The following ING1 variants were observed in gnomAD, a reference collection of about 807,000 sequenced individuals.
The protein encoded by ING1 is inhibitor of growth family member 1, also known as inhibitor of growth protein 1.
ING1 carries 4 observed loss-of-function variants against 23.1 expected under a neutral mutation model. That is an observed-to-expected ratio of 0.17 (90% CI 0.09 to 0.40). The LOEUF is 0.40. Among genes scored for constraint, ING1 ranks in the 10% least tolerant of loss-of-function variants. The pLI, the probability that ING1 is intolerant of heterozygous loss-of-function variation, is 1.00. For synonymous variants in ING1, 179 were observed against 166.4 expected (o/e 1.08, Z -0.58); for missense variants, 256 against 393.8 (o/e 0.65, Z 2.96).
In ING1 at chr13:110,713,928, G is replaced by C. The variant is rs1393092906; in HGVS notation, c.-222G>C. The C allele has an allele frequency of 1.0e-6, 1 of 990,948 alleles. No individual in the cohort carries two copies. The highest frequency in any genetic ancestry group is 1.2e-6 in the Non-Finnish European group (1 of 834,636). The allele number at this position is 990,948 out of a possible 1,614,324, so 61.4% of individuals were successfully genotyped here. A position where few individuals can be genotyped will look rare whatever the true frequency, so the allele number is the denominator to read the frequency against. ...CGCCGGCCGGGGCGTGCGCCCGGGA[G>C]CCACCGCCACCGCGGCCCGCGCCCT... On this transcript the variant is annotated 5_prime_UTR_variant, in exon 1 of 2. Transcript: ENST00000333219.
At position 110,720,160 on chromosome 13, in the gene ING1, T is replaced by C. The variant is rs183453406; in HGVS notation, c.*228T>C. Reference sequence around the variant, plus strand: ...ATCAGCATTTTAGAAACTACAAATATAGGTTTGATTCAACACTTAAGTCTC... The same window carrying C: ...ATCAGCATTTTAGAAACTACAAATACAGGTTTGATTCAACACTTAAGTCTC... On this transcript the variant is annotated 3_prime_UTR_variant, in exon 2 of 2. Coordinates refer to ENST00000333219, the MANE Select transcript of ING1 (RefSeq NM_198219.3). 5.0e-4 allele frequency: 190 copies of C among 381,864 alleles called. No homozygotes were observed. Among genetic ancestry groups the C allele is most frequent in the Middle Eastern group, 4.2e-3 (6 of 1,428 alleles). The allele number at this position is 381,864 out of a possible 1,614,324, so 23.7% of individuals were successfully genotyped here. A position where few individuals can be genotyped will look rare whatever the true frequency, so the allele number is the denominator to read the frequency against.
In ING1 at chr13:110,720,057, T is replaced by C; in HGVS notation, c.*125T>C. 5.6e-6 allele frequency: 4 copies of C among 711,032 alleles called. No individual in the cohort carries two copies. Among genetic ancestry groups the C allele is most frequent in the Non-Finnish European group, 6.7e-6 (3 of 445,820 alleles). The allele number at this position is 711,032 out of a possible 1,614,324, so 44.0% of individuals were successfully genotyped here. On this transcript the variant is annotated 3_prime_UTR_variant, in exon 2 of 2. Transcript: ENST00000333219. ...TAAAGAATGTTAGTAAAGGAACCAT[T>C]CCTTTCATAGGGATGGCAGTGATTC...
chr13:110,714,372 G>A, intron 1 of ING1, 87 bp downstream of exon 1: 1 of 1,244,790 alleles, frequency 8.0e-7, no homozygotes, highest in Non-Finnish European at 1.0e-6. Flanking sequence ...GTCCTGCCGT[G>A]GACCGGAGGA....
rs762343858 is a variant in ING1 at position 110,714,185 on chromosome 13, G to C, written c.36G>C (p.Leu12=). The C allele has an allele frequency of 6.4e-7, 1 of 1,560,784 alleles. No homozygotes were observed. The highest frequency in any genetic ancestry group is 1.9e-5 in the Admixed American group (1 of 53,016). ...CTGCCAACGGGGAGCAGCTCCACCT[G>C]GTGAACTATGTGGAGGACTACCTGG... The part of the protein sequence containing the change: ...LSPANGEQLH[L]VNYVEDYLDS... The change falls in exon 1 of 2, where the codon CTG becomes CTC. Residue 12 remains leucine, a synonymous_variant. Coordinates refer to ENST00000333219, the MANE Select transcript of ING1 (RefSeq NM_198219.3).
In ING1 at chr13:110,714,297, T is replaced by C; in HGVS notation, c.136+12T>C. The stretch of plus-strand genomic sequence containing the variant: ...CGCGAAATACCAAGGTACGGCCGGG[T>C]GATGGATGGGCGGGGGCGGCCGCCT... On this transcript the variant is annotated intron_variant, in intron 1 of 1. Transcript: ENST00000333219. 1.9e-6 allele frequency: 3 copies of C among 1,542,772 alleles called. No individual in the cohort carries two copies. The highest frequency in any genetic ancestry group is 2.6e-6 in the Non-Finnish European group (3 of 1,145,758).
chr13:110,718,993 C>T (rs1263491441), intron 1 of ING1, among the ~76,000 whole-genome samples: 1 of 151,492 alleles, frequency 6.6e-6, no homozygotes, highest in Non-Finnish European at 1.5e-5. Context: ...GGAGCGGCTC[C>T]TGCCGCTGTG....
At chr13:110,715,674 TTC>T in intron 1 of ING1, 1 of 1,607,278 alleles carries the variant, frequency 6.2e-7, no homozygotes, top group Non-Finnish European at 8.5e-7. Context: ...GGCCGTGCTC[TTC>T]CGCCCTGCGG....
In ING1 at chr13:110,715,673, C is replaced by T. The variant is rs1462480935; in HGVS notation, c.136+1388C>T. 6 of 1,607,400 alleles carry T rather than the reference C, an allele frequency of 3.7e-6. No individual in the cohort carries two copies. Among genetic ancestry groups the T allele is most frequent in the Middle Eastern group, 3.3e-4 (2 of 6,050 alleles). On this transcript the variant is annotated intron_variant, in intron 1 of 1. Coordinates refer to ENST00000333219, the MANE Select transcript of ING1 (RefSeq NM_198219.3). Reference sequence around the variant, plus strand: ...TCTCGCTGCTGGGGCGGGCCGTGCTCTTCCGCCCTGCGGTGTGGTTGGTTC... The same window carrying T: ...TCTCGCTGCTGGGGCGGGCCGTGCTTTTCCGCCCTGCGGTGTGGTTGGTTC...
intron 1 of ING1, chr13:110,715,113 A>T (rs914434376): frequency 3.7e-6 from 4 of 1,077,030 alleles, no homozygotes; most frequent in Non-Finnish European, 4.5e-6. Context: ...CCCGGGTGTC[A>T]GAGAGAGGTG....
chr13:110,715,263 C>A, intron 1 of ING1: 5 of 1,376,084 alleles, frequency 3.6e-6, no homozygotes, highest in Non-Finnish European at 4.7e-6. Context: ...AGTAGGGAAA[C>A]GGAAGAGTTG....
upstream of ING1, chr13:110,712,997 T>C (rs1411291189): frequency 9.7e-6 from 15 of 1,546,016 alleles, no homozygotes; most frequent in Admixed American, 1.9e-5. Flanking sequence ...CCGCGCACTC[T>C]GCGGCCGCAG....
upstream of ING1, chr13:110,713,291 G>C (rs2064059504): frequency 7.8e-7 from 1 of 1,279,576 alleles, no homozygotes; most frequent in Non-Finnish European, 9.9e-7. Flanking sequence ...AGTTGCGGTA[G>C]TTGCTGTGTA....
In ING1 at chr13:110,714,139, C is replaced by A; in HGVS notation, c.-11C>A. ...GCCGCGCCGAGTCGCCGGGGACCTC[C>A]GGGGTGAACCATGTTGAGTCCTGCC... is the stretch of plus-strand genomic sequence containing the variant. On this transcript the variant is annotated 5_prime_UTR_variant, in exon 1 of 2. Transcript: ENST00000333219. The A allele has an allele frequency of 6.6e-7, 1 of 1,523,992 alleles. No individual in the cohort carries two copies. Among genetic ancestry groups the A allele is most frequent in the Non-Finnish European group, 8.8e-7 (1 of 1,135,204 alleles). 94.4% of individuals were successfully genotyped at this position (1,523,992 alleles called of 1,614,324 possible). A position where few individuals can be genotyped will look rare whatever the true frequency, so the allele number is the denominator to read the frequency against.
chr13:110,715,848 C>A (rs1031961929), intron 1 of ING1: 2 of 1,593,564 alleles, frequency 1.3e-6, no homozygotes, highest in African/African-American at 1.3e-5. Flanking sequence ...CGGCCACTTT[C>A]GGGCGCGGAT....
chr13:110,716,043 C>G (rs765021399), intron 1 of ING1: 48 of 1,476,518 alleles, frequency 3.3e-5, no homozygotes, highest in Non-Finnish European at 5.3e-6. Flanking sequence ...GAGGGGGACC[C>G]TCGGCGCAGA....
At chr13:110,713,364 A>G, upstream of ING1, 1 of 1,066,628 alleles carries the variant, frequency 9.4e-7, no homozygotes, top group Non-Finnish European at 1.1e-6. Flanking sequence ...TCAGCGAAGC[A>G]GGCCGCTCCC....
At chr13:110,713,529 C>G (rs1403597436), upstream of ING1, 2 of 986,266 alleles carry the variant, frequency 2.0e-6, no homozygotes, top group South Asian at 9.2e-5. Flanking sequence ...AAGTGACAGG[C>G]AAGGCCACGC....
rs540953691 is a variant in ING1, at chr13:110,719,602, C to T, written c.510C>T (p.Asp170=). The T allele has an allele frequency of 8.7e-6, 14 of 1,611,462 alleles. No individual in the cohort carries two copies. Among genetic ancestry groups the T allele is most frequent in the African/African-American group, 1.3e-5 (1 of 74,556 alleles). The change falls in exon 2 of 2, where the codon GAC becomes GAT. Residue 170 remains aspartate (D), a synonymous_variant. Coordinates refer to ENST00000333219, the MANE Select transcript of ING1 (RefSeq NM_198219.3). The surrounding 1 kb of genome is among the most constrained non-coding windows in gnomAD (Gnocchi z 8.9). ...ENASSNHDHD[D]GASGTPKEKK... is the part of the protein sequence containing the mutation. ...CGTCCAGCAACCACGACCACGACGA[C>T]GGCGCCTCGGGCACACCCAAGGAGA... is the stretch of plus-strand genomic sequence containing the variant.
At chr13:110,718,807 T>C (rs898524344) in intron 1 of ING1, among the ~76,000 whole-genome samples, 2 of 152,254 alleles carry the variant, frequency 1.3e-5, no homozygotes, top group South Asian at 2.1e-4. Flanking sequence ...ATAATTGTAT[T>C]CAAATAGAAA....
Sources: allele counts gnomAD v4.1 joint callset (sites outside exome capture counted in the v4.1 genomes callset), GRCh38; gene constraint gnomAD v4.1.1; non-coding constraint Gnocchi (gnomAD v3.1); transcripts MANE v1.5; gene names NCBI Gene and HGNC (gene_info 2026-07-23, HGNC 2026-07-21).